Variants in STXBP5L observed in about 807,000 individuals in gnomAD.
STXBP5L encodes the protein syntaxin binding protein 5L, also known as syntaxin-binding protein 5-like.
A neutral mutation model predicts 144.5 loss-of-function variants in STXBP5L; 65 were observed. That is an observed-to-expected ratio of 0.45 (90% CI 0.37 to 0.55). The LOEUF (loss-of-function observed/expected upper bound fraction) is 0.55. Ranked by LOEUF, STXBP5L falls within the 20% of genes least tolerant of loss-of-function variation. STXBP5L has a pLI of 0.00. For missense variants in STXBP5L, 1,298 were observed against 1,405.5 expected (o/e 0.92, Z 1.22); for synonymous variants, 505 against 469.6 (o/e 1.08, Z -0.97).
intron 3 of STXBP5L, among the ~76,000 whole-genome samples, chr3:120,981,146 C>T (rs1176853943): frequency 6.6e-6 from 1 of 152,110 alleles, no homozygotes; most frequent in Non-Finnish European, 1.5e-5. Flanking sequence ...CTTTCTCTTT[C>T]ATGTTAACTT....
At chr3:120,982,049 A>G (rs975058247) in intron 3 of STXBP5L, among the ~76,000 whole-genome samples, 6 of 152,116 alleles carry the variant, frequency 3.9e-5, no homozygotes, top group African/African-American at 1.2e-4. Context: ...ACAGGATTGT[A>G]TTTGTCTCAG....
At chr3:121,080,417 GC>G (rs1299914953) in intron 5 of STXBP5L, among the ~76,000 whole-genome samples, 1 of 151,956 alleles carries the variant, frequency 6.6e-6, no homozygotes, top group Non-Finnish European at 1.5e-5. Context: ...TGTTTTATAG[GC>G]CCTGTGAGAT....
intron 3 of STXBP5L, among the ~76,000 whole-genome samples, chr3:121,033,374 G>A (rs1189836616): frequency 1.8e-5 from 2 of 108,926 alleles, no homozygotes; most frequent in Non-Finnish European, 1.8e-5. Context: ...TGAACAATGA[G>A]ATCACATGGA....
chr3:121,201,942 G>C (rs1467219505), intron 9 of STXBP5L, among the ~76,000 whole-genome samples: 2 of 152,254 alleles, frequency 1.3e-5, no homozygotes, highest in East Asian at 3.9e-4. Flanking sequence ...TTTTAGTAAG[G>C]ACAGGGTTTC....
chr3:121,058,808 C>A (rs1948627566), intron 5 of STXBP5L, among the ~76,000 whole-genome samples: 1 of 150,430 alleles, frequency 6.6e-6, no homozygotes, highest in East Asian at 1.9e-4. Flanking sequence ...CCTTTGCCCA[C>A]TTTTTGATGG....
At chr3:121,315,403 C>T (rs1398476295) in intron 19 of STXBP5L, among the ~76,000 whole-genome samples, 2 of 147,954 alleles carry the variant, frequency 1.4e-5, no homozygotes, top group African/African-American at 5.0e-5. Context: ...CCAAACACTA[C>T]ATATTCTCAC....
At chr3:120,993,361 A>T (rs989300821) in intron 3 of STXBP5L, among the ~76,000 whole-genome samples, 1 of 151,968 alleles carries the variant, frequency 6.6e-6, no homozygotes, top group Non-Finnish European at 1.5e-5. Flanking sequence ...ATGCTTTTAC[A>T]GTCTTTCTTA....
chr3:121,391,713 A>G (rs1026866048), intron 22 of STXBP5L, among the ~76,000 whole-genome samples: 2 of 152,200 alleles, frequency 1.3e-5, no homozygotes, highest in Non-Finnish European at 2.9e-5. Flanking sequence ...TCACCAGCAG[A>G]AGCTGCAGAA....
chr3:121,185,728 G>T (rs1012910548), intron 9 of STXBP5L, among the ~76,000 whole-genome samples: 1 of 152,164 alleles, frequency 6.6e-6, no homozygotes, highest in South Asian at 2.1e-4. Flanking sequence ...AAGTCAGGTA[G>T]CATGATGCCT....
At chr3:121,308,138 T>C (rs973646233) in intron 19 of STXBP5L, among the ~76,000 whole-genome samples, 1 of 152,126 alleles carries the variant, frequency 6.6e-6, no homozygotes, top group African/African-American at 2.4e-5. Context: ...TCAGGATAAA[T>C]AACTAATGCA....
At chr3:121,024,749 G>GAT (rs755826225) in intron 3 of STXBP5L, among the ~76,000 whole-genome samples, 31 of 152,060 alleles carry the variant, frequency 2.0e-4, no homozygotes, top group Non-Finnish European at 3.1e-4. Flanking sequence ...TCTATTCCAT[G>GAT]ATATATATCC....
At chr3:120,932,306 A>T (rs547793920) in intron 2 of STXBP5L, among the ~76,000 whole-genome samples, 67 of 152,206 alleles carry the variant, frequency 4.4e-4, no homozygotes, top group Non-Finnish European at 8.7e-4. Context: ...TATTATTTAC[A>T]TGATTTCTCT....
intron 3 of STXBP5L, among the ~76,000 whole-genome samples, chr3:120,998,895 A>T (rs1943558205): frequency 6.6e-6 from 1 of 152,186 alleles, no homozygotes; most frequent in South Asian, 2.1e-4. Context: ...AAAACACTCC[A>T]ATCTCATGGA....
At chr3:121,006,971 C>T (rs988963945) in intron 3 of STXBP5L, among the ~76,000 whole-genome samples, 1 of 152,102 alleles carries the variant, frequency 6.6e-6, no homozygotes, top group Non-Finnish European at 1.5e-5. Context: ...TTGTCTCTGG[C>T]TACCCTTAAC....
At chr3:120,970,176 A>G (rs1279004914) in intron 3 of STXBP5L, among the ~76,000 whole-genome samples, 1 of 152,016 alleles carries the variant, frequency 6.6e-6, no homozygotes, top group Non-Finnish European at 1.5e-5. Context: ...ATTGATTTTA[A>G]TAGGTTTTTG....
chr3:120,987,505 T>C (rs546313947), intron 3 of STXBP5L, among the ~76,000 whole-genome samples: 1 of 152,026 alleles, frequency 6.6e-6, no homozygotes, highest in African/African-American at 2.4e-5. Context: ...TTTTATATAT[T>C]CTAGAGACTA....
chr3:121,051,895 A>G (rs1389956172), intron 5 of STXBP5L, among the ~76,000 whole-genome samples: 1 of 152,168 alleles, frequency 6.6e-6, no homozygotes, highest in Non-Finnish European at 1.5e-5. Context: ...ATAAAAAATG[A>G]TAAAGGGGAT....
chr3:121,269,210 T>A (rs113605359), intron 18 of STXBP5L, among the ~76,000 whole-genome samples: 18 of 152,144 alleles, frequency 1.2e-4, no homozygotes, highest in Non-Finnish European at 2.6e-4. Context: ...AAATCCTGGT[T>A]GGCCGAAGTC....
At chr3:121,232,968 T>G (rs2049355356) in intron 11 of STXBP5L, among the ~76,000 whole-genome samples, 1 of 152,124 alleles carries the variant, frequency 6.6e-6, no homozygotes, top group African/African-American at 2.4e-5. Flanking sequence ...TAGTCCCTGT[T>G]CCTTGTTCTG....
Sources: allele counts gnomAD v4.1 joint callset (sites outside exome capture counted in the v4.1 genomes callset), GRCh38; gene constraint gnomAD v4.1.1; transcripts MANE v1.5; gene names NCBI Gene and HGNC (gene_info 2026-07-23, HGNC 2026-07-21).